The following RNGTT variants were observed in gnomAD, a reference collection of about 807,000 sequenced individuals.
RNGTT encodes the protein RNA guanylyltransferase and 5'-phosphatase.
RNGTT carries 33 observed loss-of-function variants against 79.3 expected under a neutral mutation model. That is an observed-to-expected ratio of 0.42 (90% CI 0.32 to 0.56). The LOEUF is 0.56. Ranked by LOEUF, RNGTT falls within the 20% of genes least tolerant of loss-of-function variation. RNGTT has a pLI of 0.17. For synonymous variants in RNGTT, 222 were observed against 235.9 expected, an observed-to-expected ratio of 0.94 and a Z score of 0.54; for missense variants, 497 against 739.1, an observed-to-expected ratio of 0.67 and a Z score of 3.80.
chr6:88,759,835 C>T (rs951753169), intron 13 of RNGTT, among the ~76,000 whole-genome samples: 2 of 150,950 alleles, frequency 1.3e-5, no homozygotes, highest in African/African-American at 4.9e-5. Flanking sequence ...CATTCAAATC[C>T]TATGTTCCTA....
At chr6:88,848,860 CA>C (rs1781574777) in intron 10 of RNGTT, among the ~76,000 whole-genome samples, 1 of 152,018 alleles carries the variant, frequency 6.6e-6, no homozygotes, top group South Asian at 2.1e-4. Flanking sequence ...GAAGTTTTAA[CA>C]AATCTAGCTG....
At chr6:88,625,254 T>C (rs569962660) in intron 14 of RNGTT, among the ~76,000 whole-genome samples, 11 of 152,080 alleles carry the variant, frequency 7.2e-5, no homozygotes, top group Admixed American at 1.3e-4. Flanking sequence ...AATGAAAACA[T>C]TTGTTCACAC....
intron 12 of RNGTT, among the ~76,000 whole-genome samples, chr6:88,792,115 C>A (rs1779443807): frequency 6.6e-6 from 1 of 152,114 alleles, no homozygotes; most frequent in Non-Finnish European, 1.5e-5. Context: ...AAAAGATCAG[C>A]AAGTTTTAGA....
Position 88,791,502 on chromosome 6 carries a change from A to T in RNGTT, c.1338+10062T>A, listed in dbSNP as rs563874165. 1.5e-4 allele frequency among the ~76,000 whole-genome samples: 23 copies of T among 152,270 alleles called. No homozygotes were observed. In the South Asian group the frequency reaches 4.8e-3, roughly 32 times the overall value. On this transcript the variant is annotated intron_variant, in intron 12 of 15. Coordinates refer to ENST00000369485, the MANE Select transcript of RNGTT (RefSeq NM_003800.5). ...AGTAGCCATAGGAAACTAATACAGTAACTAGCTAGTACCATCACGTTTTCT... is the reference window on the plus strand; with the variant it reads ...AGTAGCCATAGGAAACTAATACAGTTACTAGCTAGTACCATCACGTTTTCT...
intron 4 of RNGTT, among the ~76,000 whole-genome samples, chr6:88,919,839 C>T (rs111940672): frequency 0.013 from 1,965 of 149,808 alleles, 16 homozygotes; most frequent in Non-Finnish European, 0.019. Context: ...TACAGGCATG[C>T]GCCACCACGC....
intron 8 of RNGTT, among the ~76,000 whole-genome samples, chr6:88,859,715 A>C (rs1477937432): frequency 6.6e-6 from 1 of 151,216 alleles, no homozygotes; most frequent in Non-Finnish European, 1.5e-5. Context: ...AGACTGGTGC[A>C]GAGAGTGACA....
At chr6:88,742,573 G>C (rs1777529738) in intron 13 of RNGTT, among the ~76,000 whole-genome samples, 1 of 152,190 alleles carries the variant, frequency 6.6e-6, no homozygotes, top group Non-Finnish European at 1.5e-5. Context: ...AGAAAGGCTT[G>C]TTAGAAGTCA....
chr6:88,801,981 GAAAGACATAGAAGCAA>G (rs1460439760), intron 11 of RNGTT, among the ~76,000 whole-genome samples: 33 of 152,000 alleles, frequency 2.2e-4, no homozygotes, highest in Admixed American at 1.9e-3. Flanking sequence ...ACAAAAGGAA[GAAAGACATAGAAGCAA>G]AAACAAAGTG....
intron 11 of RNGTT, among the ~76,000 whole-genome samples, chr6:88,807,137 G>C (rs1779985018): frequency 6.6e-6 from 1 of 152,182 alleles, no homozygotes. Context: ...GCTAATGGAT[G>C]CTGAATTAAT....
chr6:88,784,465 C>T (rs1779165174), intron 12 of RNGTT, among the ~76,000 whole-genome samples: 1 of 152,074 alleles, frequency 6.6e-6, no homozygotes. Flanking sequence ...GCACATCTAA[C>T]TTGATAGTTG....
chr6:88,653,209 C>T (rs1353122858), intron 14 of RNGTT, among the ~76,000 whole-genome samples: 1 of 152,168 alleles, frequency 6.6e-6, no homozygotes, highest in Non-Finnish European at 1.5e-5. Flanking sequence ...ACTGACTGCA[C>T]TGTAAATACC....
intron 14 of RNGTT, among the ~76,000 whole-genome samples, chr6:88,636,122 A>G (rs1396598656): frequency 6.6e-6 from 1 of 152,082 alleles, no homozygotes; most frequent in Non-Finnish European, 1.5e-5. Flanking sequence ...CAATTCTTCT[A>G]CCATTAAGAA....
chr6:88,663,348 A>G (rs1774261398), intron 14 of RNGTT, among the ~76,000 whole-genome samples: 1 of 152,184 alleles, frequency 6.6e-6, no homozygotes, highest in African/African-American at 2.4e-5. Context: ...CATCAGAAGG[A>G]AGCCTAGACA....
chr6:88,614,528 G>C, intron 14 of RNGTT, 133 bp from the exon 15 acceptor site: 1 of 791,336 alleles, frequency 1.3e-6, no homozygotes. Context: ...TTTGTCATCT[G>C]AAGTATCTAA....
intron 11 of RNGTT, among the ~76,000 whole-genome samples, chr6:88,824,317 A>T (rs1407979118): frequency 6.6e-6 from 1 of 152,226 alleles, no homozygotes; most frequent in Admixed American, 6.5e-5. Context: ...CTCTGTACTG[A>T]ATACCGTAGG....
intron 13 of RNGTT, among the ~76,000 whole-genome samples, chr6:88,753,810 AGAG>A (rs1777918354): frequency 6.6e-6 from 1 of 152,098 alleles, no homozygotes; most frequent in Non-Finnish European, 1.5e-5. Flanking sequence ...CAGCAAAAAC[AGAG>A]GAGTAGCTGA....
intron 13 of RNGTT, among the ~76,000 whole-genome samples, chr6:88,749,280 T>C (rs1425491981): frequency 1.3e-5 from 2 of 152,062 alleles, no homozygotes; most frequent in Non-Finnish European, 2.9e-5. Context: ...ATTGACTGTA[T>C]GTAACAAAAA....
intron 14 of RNGTT, among the ~76,000 whole-genome samples, chr6:88,652,448 A>G (rs891150833): frequency 2.6e-5 from 4 of 152,322 alleles, no homozygotes; most frequent in African/African-American, 9.6e-5. Context: ...AGAGATTATT[A>G]GATTTACTGG....
rs73506534 is a variant in RNGTT at position 88,908,199 on chromosome 6, T to C, written c.368-1759A>G. The stretch of plus-strand genomic sequence containing the variant: ...TTTGCAAGCTTAGAGTAGAAAAAGT[T>C]TCTTAGATAAAACACAAAAAGCATA... On this transcript the variant is annotated intron_variant, in intron 4 of 15. Coordinates refer to ENST00000369485, the MANE Select transcript of RNGTT (RefSeq NM_003800.5). Among the ~76,000 whole-genome samples, 706 of 152,214 alleles carry C rather than the reference T, an allele frequency of 4.6e-3. 3 individuals carry two copies. The highest frequency in any genetic ancestry group is 0.016 in the African/African-American group (676 of 41,532).
Sources: gnomAD v4.1 joint callset for allele counts (sites outside exome capture counted in the v4.1 genomes callset) on GRCh38, gnomAD v4.1.1 for gene constraint, MANE v1.5 for transcripts, NCBI Gene and HGNC (gene_info 2026-07-23, HGNC 2026-07-21) for gene names.